The following SLC35H1 variants were observed in gnomAD, a reference collection of about 807,000 sequenced individuals.
SLC35H1 encodes the protein ovarian cancer-overexpressed gene 1 protein.
At chr20:46,350,661 C>T in the SLC35H1 span, 90 of 1,505,088 alleles carry the variant, frequency 6.0e-5, no homozygotes, top group Admixed American at 9.5e-5. Context: ...AGAGGAGTGA[C>T]GGCAGCAGAG....
At chr20:46,358,489 G>A in the SLC35H1 span, 227 of 1,614,208 alleles carry the variant, frequency 1.4e-4, no homozygotes, top group Middle Eastern at 4.9e-4. Flanking sequence ...AGGCCACATC[G>A]AGGGCCCACC....
the SLC35H1 span, chr20:46,364,314 G>C: frequency 1.3e-5 from 2 of 152,242 alleles, no homozygotes; most frequent in Non-Finnish European, 2.9e-5. Context: ...CCCTTCTCCA[G>C]CCCCGGCCCC....
At chr20:46,360,339 G>A in the SLC35H1 span, among the ~76,000 whole-genome samples, 2 of 152,068 alleles carry the variant, frequency 1.3e-5, no homozygotes, top group African/African-American at 4.8e-5. Context: ...CTACAGCAAT[G>A]GCACTAGTGG....
At chr20:46,350,710 C>G in the SLC35H1 span, 1 of 1,597,770 alleles carries the variant, frequency 6.3e-7, no homozygotes, top group Non-Finnish European at 8.5e-7. Flanking sequence ...CACTAAGAGT[C>G]ACAGGGAGAA....
the SLC35H1 span, chr20:46,352,714 T>C: frequency 6.4e-6 from 1 of 156,668 alleles, no homozygotes; most frequent in Admixed American, 6.1e-5. Flanking sequence ...GATGATGGGA[T>C]CCTAGCGGGA....
At chr20:46,348,803 T>G in the SLC35H1 span, 1 of 152,230 alleles carries the variant, frequency 6.6e-6, no homozygotes, top group African/African-American at 2.4e-5. Flanking sequence ...CCTACTTTTG[T>G]AAATGGGGTT....
chr20:46,357,900 T>C, the SLC35H1 span: 3 of 951,958 alleles, frequency 3.2e-6, no homozygotes, highest in Non-Finnish European at 4.7e-6. Flanking sequence ...CCTTGCTATG[T>C]GTGTAGGGCC....
the SLC35H1 span, among the ~76,000 whole-genome samples, chr20:46,361,271 G>C: frequency 6.6e-6 from 1 of 152,164 alleles, no homozygotes; most frequent in South Asian, 2.1e-4. Flanking sequence ...AAAAGCCTTA[G>C]GCTCATCTGA....
At chr20:46,355,998 G>A in the SLC35H1 span, 21 of 1,394,458 alleles carry the variant, frequency 1.5e-5, no homozygotes, top group Non-Finnish European at 2.0e-5. This position sits in a 1 kb window ranked among gnomAD's most constrained non-coding sequence, Gnocchi z 4.8. Context: ...TCATCTGAGT[G>A]ATAAGCGACC....
the SLC35H1 span, chr20:46,358,542 C>T: frequency 2.0e-5 from 33 of 1,613,912 alleles, no homozygotes; most frequent in Admixed American, 2.8e-4. Flanking sequence ...CCTGAGTCAG[C>T]GGGGGCAGGC....
At chr20:46,363,383 A>G in the SLC35H1 span, among the ~76,000 whole-genome samples, 2 of 152,212 alleles carry the variant, frequency 1.3e-5, no homozygotes, top group Non-Finnish European at 2.9e-5. Context: ...CTAACTGCCT[A>G]TTTGGTAGCT....
the SLC35H1 span, among the ~76,000 whole-genome samples, chr20:46,361,740 T>G: frequency 9.2e-5 from 14 of 152,246 alleles, no homozygotes; most frequent in South Asian, 2.1e-4. Flanking sequence ...CACCTGAGGA[T>G]CAAACCTGCT....
the SLC35H1 span, among the ~76,000 whole-genome samples, chr20:46,357,088 C>A: frequency 6.6e-6 from 1 of 152,206 alleles, no homozygotes; most frequent in Admixed American, 6.5e-5. Context: ...ACTTTGAGTT[C>A]CCTTCCAGAC....
chr20:46,356,009 T>C, the SLC35H1 span: 2 of 1,314,536 alleles, frequency 1.5e-6, no homozygotes, highest in Non-Finnish European at 2.1e-6. Flanking sequence ...ATAAGCGACC[T>C]TTAATCAGAA....
chr20:46,352,572 G>T, the SLC35H1 span: 47 of 224,646 alleles, frequency 2.1e-4, no homozygotes, highest in African/African-American at 1.1e-3. Context: ...GGATCCTAGC[G>T]GGATGATGGG....
the SLC35H1 span, chr20:46,357,908 G>A: frequency 1.1e-6 from 1 of 893,778 alleles, no homozygotes. Context: ...TGTGTGTAGG[G>A]CCCTTAGTTA....
At chr20:46,350,664 C>A in the SLC35H1 span, 1 of 1,521,714 alleles carries the variant, frequency 6.6e-7, no homozygotes, top group Non-Finnish European at 8.9e-7. Context: ...GGAGTGACGG[C>A]AGCAGAGCCA....
chr20:46,359,612 G>A, the SLC35H1 span, among the ~76,000 whole-genome samples: 3,652 of 152,238 alleles, frequency 0.024, 158 homozygotes, highest in African/African-American at 0.083. Context: ...CTGCCTTACG[G>A]TATTGCCAAA....
chr20:46,355,227 G>A, the SLC35H1 span: 1 of 1,613,740 alleles, frequency 6.2e-7, no homozygotes, highest in Non-Finnish European at 8.5e-7. The surrounding 1 kb of genome is among the most constrained non-coding windows in gnomAD (Gnocchi z 4.8). Context: ...GGACCACCAG[G>A]ACCAGTGCCG....
Sources: gnomAD v4.1 joint callset for allele counts (sites outside exome capture counted in the v4.1 genomes callset) on GRCh38, gnomAD v4.1.1 for gene constraint, Gnocchi (gnomAD v3.1) non-coding constraint, MANE v1.5 for transcripts, NCBI Gene and HGNC (gene_info 2026-07-23, HGNC 2026-07-21) for gene names.